Variants in ITPKB observed in about 807,000 individuals in gnomAD.
ITPKB encodes the protein IP3 3-kinase B.
A neutral mutation model predicts 69.4 loss-of-function variants in ITPKB; 13 were observed. The ratio of observed to expected loss-of-function variants is 0.19; its 90% CI spans 0.12 to 0.30. ITPKB has a LOEUF of 0.30. Ranked by LOEUF, ITPKB falls within the 10% of genes least tolerant of loss-of-function variation. The pLI is 1.00. For synonymous variants in ITPKB, 584 were observed against 513.7 expected, an observed-to-expected ratio of 1.14 and a Z score of -1.85; for missense variants, 1,240 against 1,250.5, an observed-to-expected ratio of 0.99 and a Z score of 0.13.
intron 2 of ITPKB, among the ~76,000 whole-genome samples, chr1:226,687,409 A>G (rs964974671): frequency 1.3e-5 from 2 of 152,162 alleles, no homozygotes; most frequent in South Asian, 2.1e-4. Context: ...TAGGGTTTGG[A>G]GTCTTCTGTG....
intron 4 of ITPKB, among the ~76,000 whole-genome samples, chr1:226,645,440 C>A (rs1669042797): frequency 6.6e-6 from 1 of 151,888 alleles, no homozygotes; most frequent in Admixed American, 6.5e-5. Flanking sequence ...AAGCGGGGCT[C>A]CTGTCCCCAG....
chr1:226,652,515 T>A (rs1297986955), intron 2 of ITPKB, among the ~76,000 whole-genome samples: 1 of 152,182 alleles, frequency 6.6e-6, no homozygotes, highest in Non-Finnish European at 1.5e-5. Flanking sequence ...CAGCCCTCCC[T>A]TGTGGGAGAT....
intron 2 of ITPKB, among the ~76,000 whole-genome samples, chr1:226,661,247 C>CAGGG (rs1470368306): frequency 3.0e-4 from 45 of 152,326 alleles, no homozygotes; most frequent in Admixed American, 7.8e-4. Flanking sequence ...AGGAGCGCAG[C>CAGGG]CCATAGCATG....
At chr1:226,697,048 A>G (rs1656506128) in intron 2 of ITPKB, among the ~76,000 whole-genome samples, 1 of 152,200 alleles carries the variant, frequency 6.6e-6, no homozygotes, top group African/African-American at 2.4e-5. Flanking sequence ...ACAACCACCA[A>G]ACAAATGGAT....
intron 2 of ITPKB, among the ~76,000 whole-genome samples, chr1:226,733,183 T>C (rs1657644271): frequency 6.6e-6 from 1 of 152,062 alleles, no homozygotes; most frequent in African/African-American, 2.4e-5. Context: ...TGAGGGCAAG[T>C]GTAAGCAAGT....
At chr1:226,703,542 C>G (rs895212769) in intron 2 of ITPKB, among the ~76,000 whole-genome samples, 38 of 152,094 alleles carry the variant, frequency 2.5e-4, no homozygotes, top group Non-Finnish European at 2.6e-4. Flanking sequence ...CTGCCCGCCG[C>G]CCACGCGCGG....
intron 2 of ITPKB, among the ~76,000 whole-genome samples, chr1:226,671,991 T>C (rs1287850163): frequency 1.3e-5 from 2 of 152,208 alleles, no homozygotes; most frequent in Non-Finnish European, 2.9e-5. Flanking sequence ...GTCTGGCTTA[T>C]GTTCTAAAAG....
rs754207011 is a variant in ITPKB, at chr1:226,735,714, A to G, written c.1745T>C (p.Leu582Ser). Residue 582 changes from leucine to serine, a missense_variant, in exon 2 of 8, where the codon TTG becomes TCG. By Grantham distance (145) the Leu-to-Ser change is moderately radical. This residue lies in a region of ITPKB where 992 missense variants were observed against 853.8 expected (regional missense o/e 1.16). Transcript: ENST00000429204. ...TDMGTQEDGA[L>S]EETQGSPRGN... Reference sequence around the variant, plus strand: ...CCGAGGGCTTCCCTGCGTCTCCTCCAAGGCCCCATCCTCCTGGGTGCCCAT... The same window carrying G: ...CCGAGGGCTTCCCTGCGTCTCCTCCGAGGCCCCATCCTCCTGGGTGCCCAT... 21 of 1,589,318 alleles carry G rather than the reference A, an allele frequency of 1.3e-5. No homozygotes were observed. The Admixed American group carries it at 3.7e-4, about 28-fold the overall frequency.
chr1:226,695,757 G>A (rs540594876), intron 2 of ITPKB, among the ~76,000 whole-genome samples: 1 of 152,314 alleles, frequency 6.6e-6, no homozygotes, highest in African/African-American at 2.4e-5. Context: ...GATGGCAAGA[G>A]GGAAGAGAAG....
chr1:226,656,241 G>A (rs996602982), intron 2 of ITPKB, among the ~76,000 whole-genome samples: 9 of 152,130 alleles, frequency 5.9e-5, no homozygotes, highest in East Asian at 1.9e-4. Flanking sequence ...CCTGGTGGGC[G>A]CTCAGAGACC....
At chr1:226,686,083 G>GCCCC (rs539274340) in intron 2 of ITPKB, among the ~76,000 whole-genome samples, 36 of 152,204 alleles carry the variant, frequency 2.4e-4, no homozygotes, top group East Asian at 1.9e-3. Context: ...CAGATAAAGC[G>GCCCC]ACCCCCCGCC....
rs1323306495 is a variant in ITPKB, at chr1:226,731,097, G to A, written c.1932+4430C>T. Among the ~76,000 whole-genome samples, 3 of 152,240 alleles carry A rather than the reference G, an allele frequency of 2.0e-5. No individual in the cohort carries two copies. The East Asian group carries it at 5.8e-4, about 29-fold the overall frequency. ...CTTTACTTGAAAATGTTTTAAGCTG[G>A]CTGAATACTTTTATCTTTGATAAGA... On this transcript the variant is annotated intron_variant, in intron 2 of 7. Transcript: ENST00000429204.
intron 5 of ITPKB, among the ~76,000 whole-genome samples, chr1:226,640,968 C>T (rs1453350189): frequency 6.6e-6 from 1 of 152,178 alleles, no homozygotes; most frequent in Non-Finnish European, 1.5e-5. Flanking sequence ...AACCCTGACT[C>T]CAGGCTGGAC....
At chr1:226,691,291 T>G (rs927268533) in intron 2 of ITPKB, among the ~76,000 whole-genome samples, 1 of 152,188 alleles carries the variant, frequency 6.6e-6, no homozygotes, top group Non-Finnish European at 1.5e-5. Context: ...GTATAATCTC[T>G]TCCTCAAACA....
In ITPKB at chr1:226,637,868, A is replaced by C; in HGVS notation, c.2554-118T>G. On this transcript the variant is annotated intron_variant, in intron 6 of 7. Coordinates refer to ENST00000429204, the MANE Select transcript of ITPKB (RefSeq NM_002221.4). The surrounding 1 kb of genome is among the most constrained non-coding windows in gnomAD (Gnocchi z 4.3). ...ATGTGCTTTACCCTAAACGCCGGAC[A>C]TCTAGAGGCAGCTTCCTGCGAGCAG... 1 of 727,204 alleles carries C rather than the reference A, an allele frequency of 1.4e-6. No individual in the cohort carries two copies. 45.0% of individuals were successfully genotyped at this position (727,204 alleles called of 1,614,324 possible). A position where few individuals can be genotyped will look rare whatever the true frequency, so the allele number is the denominator to read the frequency against.
chr1:226,715,502 G>T (rs1223953227), intron 2 of ITPKB, among the ~76,000 whole-genome samples: 1 of 152,248 alleles, frequency 6.6e-6, no homozygotes, highest in Non-Finnish European at 1.5e-5. Context: ...CTGGAAGAAT[G>T]TAAGTTCACG....
At chr1:226,695,414 A>G (rs1656454631) in intron 2 of ITPKB, among the ~76,000 whole-genome samples, 2 of 152,198 alleles carry the variant, frequency 1.3e-5, no homozygotes, top group South Asian at 2.1e-4. Flanking sequence ...ACTGGCACTC[A>G]TGGCATTTTA....
intron 2 of ITPKB, among the ~76,000 whole-genome samples, chr1:226,721,364 A>G (rs937848014): frequency 2.6e-5 from 4 of 151,702 alleles, no homozygotes; most frequent in African/African-American, 4.8e-5. Flanking sequence ...AAAAAAAAAA[A>G]AAAAAGAAAT....
In ITPKB at chr1:226,736,981, C is replaced by T. The variant is rs573808314; in HGVS notation, c.478G>A (p.Ala160Thr). 2 of 1,612,486 alleles carry T rather than the reference C, an allele frequency of 1.2e-6. No individual in the cohort carries two copies. The highest frequency in any genetic ancestry group is 1.1e-5 in the South Asian group (1 of 91,088). Residue 160 changes from alanine to threonine, a missense_variant, in exon 2 of 8, where the codon GCC becomes ACC. Transcript: ENST00000429204. ...CGCGGGCTGCGGGGCGCTTGAATGG[C>T]GGAGCTCTGTGCCTGGATGTGCGCC... Reference protein sequence around the residue: ...FEAHIQAQSSAIQAPRSPRLG... With the variant: ...FEAHIQAQSSTIQAPRSPRLG...
Sources: allele counts gnomAD v4.1 joint callset (sites outside exome capture counted in the v4.1 genomes callset), GRCh38; gene constraint gnomAD v4.1.1; regional missense constraint gnomAD v4.1.1; non-coding constraint Gnocchi (gnomAD v3.1); transcripts MANE v1.5; gene names NCBI Gene and HGNC (gene_info 2026-07-23, HGNC 2026-07-21).